Variants in PDE3A observed in about 807,000 individuals in gnomAD.
The protein encoded by PDE3A is cGMP-inhibited 3',5'-cyclic phosphodiesterase 3A.
A neutral mutation model predicts 98.3 loss-of-function variants in PDE3A; 43 were observed. The observed-to-expected ratio is 0.44, with a 90% CI of 0.34 to 0.56. The LOEUF (loss-of-function observed/expected upper bound fraction) is 0.56. Among genes scored for constraint, PDE3A ranks in the 20% least tolerant of loss-of-function variants. PDE3A has a pLI of 0.01. For missense variants in PDE3A, 1,427 were observed against 1,440.7 expected, an observed-to-expected ratio of 0.99 and a Z score of 0.15; for synonymous variants, 663 against 567.9, an observed-to-expected ratio of 1.17 and a Z score of -2.38.
At chr12:20,615,970 C>T (rs374247289) in intron 3 of PDE3A, among the ~76,000 whole-genome samples, 11 of 152,206 alleles carry the variant, frequency 7.2e-5, no homozygotes, top group African/African-American at 9.6e-5. Flanking sequence ...ATGATCCACC[C>T]GCCTTGGCCT....
intron 2 of PDE3A, among the ~76,000 whole-genome samples, chr12:20,561,309 T>C (rs1942514357): frequency 1.3e-5 from 2 of 152,026 alleles, no homozygotes; most frequent in Admixed American, 1.3e-4. Context: ...TAAGAACAGA[T>C]ATTATAACAT....
chr12:20,614,535 CAT>C (rs1257399875), intron 3 of PDE3A, among the ~76,000 whole-genome samples: 3 of 152,114 alleles, frequency 2.0e-5, no homozygotes, highest in Non-Finnish European at 2.9e-5. Flanking sequence ...TTGTCAATAA[CAT>C]ATTTACATAG....
intron 1 of PDE3A, among the ~76,000 whole-genome samples, chr12:20,524,722 C>T (rs1047290662): frequency 2.0e-5 from 3 of 151,948 alleles, no homozygotes; most frequent in Non-Finnish European, 4.4e-5. Context: ...AGGCATCAAC[C>T]ATTGAGTCTA....
At chr12:20,382,739 G>A (rs1028721955) in intron 1 of PDE3A, among the ~76,000 whole-genome samples, 6 of 151,874 alleles carry the variant, frequency 4.0e-5, no homozygotes, top group African/African-American at 1.2e-4. Context: ...ATTTCTTAAC[G>A]TTGCAAAGGT....
intron 2 of PDE3A, among the ~76,000 whole-genome samples, chr12:20,564,756 A>G (rs1942613420): frequency 6.6e-6 from 1 of 152,128 alleles, no homozygotes; most frequent in Non-Finnish European, 1.5e-5. Context: ...ACTGGCATTT[A>G]TGCTTTTATT....
chr12:20,429,876 A>G (rs920031120), intron 1 of PDE3A, among the ~76,000 whole-genome samples: 5 of 150,858 alleles, frequency 3.3e-5, no homozygotes, highest in Admixed American at 3.3e-4. Flanking sequence ...TTTTTATGTC[A>G]TTTTGACATC....
At chr12:20,393,046 T>C (rs1277640341) in intron 1 of PDE3A, among the ~76,000 whole-genome samples, 1 of 152,028 alleles carries the variant, frequency 6.6e-6, no homozygotes, top group Admixed American at 6.6e-5. Flanking sequence ...AGGAATACAT[T>C]CTAGTATTTG....
intron 4 of PDE3A, among the ~76,000 whole-genome samples, chr12:20,618,643 A>G (rs1035893320): frequency 1.3e-5 from 2 of 152,082 alleles, no homozygotes; most frequent in Non-Finnish European, 2.9e-5. Flanking sequence ...TCTGTACCCA[A>G]TTACAAGGAG....
chr12:20,609,860 A>G (rs1323210194), intron 2 of PDE3A, among the ~76,000 whole-genome samples: 1 of 151,998 alleles, frequency 6.6e-6, no homozygotes, highest in East Asian at 1.9e-4. Flanking sequence ...AAAGAATGAA[A>G]TCGTATGTTT....
intron 1 of PDE3A, among the ~76,000 whole-genome samples, chr12:20,499,995 T>G (rs941933037): frequency 2.0e-5 from 3 of 152,104 alleles, no homozygotes; most frequent in African/African-American, 7.2e-5. Flanking sequence ...AAGCCTACCT[T>G]AAAACACAAG....
At chr12:20,540,932 AT>A (rs1487326398) in intron 1 of PDE3A, among the ~76,000 whole-genome samples, 3 of 151,872 alleles carry the variant, frequency 2.0e-5, no homozygotes, top group Non-Finnish European at 2.9e-5. Flanking sequence ...TGTTTAATGT[AT>A]TTTTTAAATC....
At chr12:20,371,434 A>C in intron 1 of PDE3A, 2 of 982,968 alleles carry the variant, frequency 2.0e-6, no homozygotes, top group Non-Finnish European at 2.4e-6. Context: ...CTGTGGTACT[A>C]TTAGGACAAC....
At chr12:20,609,488 T>A (rs968629064) in intron 2 of PDE3A, among the ~76,000 whole-genome samples, 2 of 151,988 alleles carry the variant, frequency 1.3e-5, no homozygotes, top group Non-Finnish European at 2.9e-5. Context: ...CAAAGAAATA[T>A]AGAAATTTAA....
chr12:20,519,510 A>G (rs1378619189), intron 1 of PDE3A, among the ~76,000 whole-genome samples: 1 of 152,244 alleles, frequency 6.6e-6, no homozygotes, highest in Non-Finnish European at 1.5e-5. Flanking sequence ...AACACATTGT[A>G]TGAATTTGCC....
At chr12:20,556,018 T>A (rs923250323) in intron 1 of PDE3A, among the ~76,000 whole-genome samples, 11 of 152,146 alleles carry the variant, frequency 7.2e-5, no homozygotes, top group African/African-American at 2.4e-4. Context: ...TGAGTCAATA[T>A]CTTTTATTTC....
In PDE3A at chr12:20,552,032, A is replaced by T; in HGVS notation, c.961-4628A>T. ...CTAGTCCTGGCGGGGGGCTACGAGGATGACGTGGACCATGGGAATTTTTTC... is the reference window on the plus strand; with the variant it reads ...CTAGTCCTGGCGGGGGGCTACGAGGTTGACGTGGACCATGGGAATTTTTTC... On this transcript the variant is annotated intron_variant, in intron 1 of 15. Transcript: ENST00000359062. The surrounding 1 kb of genome is among the most constrained non-coding windows in gnomAD (Gnocchi z 5.1). 2 of 1,612,430 alleles carry T rather than the reference A, an allele frequency of 1.2e-6. No individual in the cohort carries two copies. Among genetic ancestry groups the T allele is most frequent in the South Asian group, 2.2e-5 (2 of 91,010 alleles).
chr12:20,667,600 T>C (rs1416847275), intron 15 of PDE3A, among the ~76,000 whole-genome samples: 3 of 152,196 alleles, frequency 2.0e-5, no homozygotes, highest in East Asian at 3.9e-4. Flanking sequence ...TGCATTTATT[T>C]CTGGAGTCTA....
At chr12:20,492,427 A>T (rs550272398) in intron 1 of PDE3A, among the ~76,000 whole-genome samples, 1 of 152,218 alleles carries the variant, frequency 6.6e-6, no homozygotes, top group South Asian at 2.1e-4. Flanking sequence ...TATGAGTCAC[A>T]GTCTGGGCAG....
intron 1 of PDE3A, among the ~76,000 whole-genome samples, chr12:20,519,174 A>T (rs1198661775): frequency 6.6e-6 from 1 of 152,182 alleles, no homozygotes; most frequent in Non-Finnish European, 1.5e-5. Context: ...GATAGTTATT[A>T]TTTATTCTCT....
Sources: gnomAD v4.1 joint callset for allele counts (sites outside exome capture counted in the v4.1 genomes callset) on GRCh38, gnomAD v4.1.1 for gene constraint, Gnocchi (gnomAD v3.1) non-coding constraint, MANE v1.5 for transcripts, NCBI Gene and HGNC (gene_info 2026-07-23, HGNC 2026-07-21) for gene names.